The following CHD9 variants were observed in gnomAD, a reference collection of about 807,000 sequenced individuals.
The protein encoded by CHD9 is ATP-dependent chromatin remodeler CHD9.
In CHD9, 77 loss-of-function variants were observed where a neutral mutation model predicts 316.1. The ratio of observed to expected loss-of-function variants is 0.24; its 90% CI spans 0.20 to 0.29. CHD9 has a LOEUF of 0.29. Ranked by LOEUF, CHD9 falls within the 10% of genes least tolerant of loss-of-function variation. The pLI is 1.00. For synonymous variants in CHD9, 1,129 were observed against 1,158.3 expected, an observed-to-expected ratio of 0.97 and a Z score of 0.51; for missense variants, 2,763 against 3,438.1, an observed-to-expected ratio of 0.80 and a Z score of 4.91.
chr16:53,087,347 G>C (rs1319631207), intron 1 of CHD9, among the ~76,000 whole-genome samples: 1 of 152,102 alleles, frequency 6.6e-6, no homozygotes, highest in African/African-American at 2.4e-5. Context: ...CTGACTGCAG[G>C]GGAATCAGGG....
chr16:53,230,239 G>A (rs965793233), intron 8 of CHD9, among the ~76,000 whole-genome samples: 5 of 152,124 alleles, frequency 3.3e-5, no homozygotes, highest in Admixed American at 1.3e-4. Flanking sequence ...CCCCAGTACT[G>A]GTGGTTAATC....
intron 1 of CHD9, among the ~76,000 whole-genome samples, chr16:53,125,218 ATTT>A (rs34096444): frequency 9.4e-5 from 9 of 95,778 alleles, no homozygotes; most frequent in African/African-American, 3.8e-4. Flanking sequence ...TCAAGTTAGG[ATTT>A]TTTTTTTTTT....
At chr16:53,234,852 G>A (rs971634492) in intron 10 of CHD9, among the ~76,000 whole-genome samples, 3 of 150,362 alleles carry the variant, frequency 2.0e-5, no homozygotes, top group Non-Finnish European at 3.0e-5. Context: ...TGATCTTATT[G>A]CCCTTATATA....
intron 1 of CHD9, among the ~76,000 whole-genome samples, chr16:53,087,113 G>A (rs1298564203): frequency 6.6e-6 from 1 of 152,124 alleles, no homozygotes; most frequent in Non-Finnish European, 1.5e-5. Flanking sequence ...ATTTTATCAG[G>A]CCCCATTGTC....
chr16:53,057,449 T>TCGAG lies in CHD9; in HGVS notation c.-165+2373_-165+2376dup, dbSNP rs548792561. On this transcript the variant is annotated intron_variant, in intron 1 of 38. Coordinates refer to ENST00000447540, the MANE Select transcript of CHD9 (RefSeq NM_001308319.2). Reference sequence around the variant, plus strand: ...TGGGTGGATACCTGAGGTCAAGAGTTCGAGACCAGCCTGGCCAACATGGCA... The same window carrying TCGAG: ...TGGGTGGATACCTGAGGTCAAGAGTTCGAGCGAGACCAGCCTGGCCAACATGGCA... Among the ~76,000 whole-genome samples, 8 of 152,002 alleles carry TCGAG rather than the reference T, an allele frequency of 5.3e-5. No individual in the cohort carries two copies. The South Asian group carries it at 1.5e-3, about 28-fold the overall frequency.
chr16:53,101,652 C>T (rs1383168138), intron 1 of CHD9, among the ~76,000 whole-genome samples: 1 of 152,098 alleles, frequency 6.6e-6, no homozygotes, highest in African/African-American at 2.4e-5. Flanking sequence ...ACCAGGAAAC[C>T]TCAGGGCTCT....
chr16:53,200,513 A>G (rs752362790), intron 2 of CHD9, among the ~76,000 whole-genome samples: 1 of 152,086 alleles, frequency 6.6e-6, no homozygotes, highest in Non-Finnish European at 1.5e-5. Context: ...TTATGAGTCT[A>G]TATTGGTACA....
chr16:53,103,957 C>T (rs1246160345), intron 1 of CHD9, among the ~76,000 whole-genome samples: 1 of 152,132 alleles, frequency 6.6e-6, no homozygotes, highest in Non-Finnish European at 1.5e-5. Context: ...TGTTGATTTC[C>T]TACTCCATGG....
chr16:53,056,952 A>G (rs1395349368), intron 1 of CHD9, among the ~76,000 whole-genome samples: 1 of 151,946 alleles, frequency 6.6e-6, no homozygotes, highest in Non-Finnish European at 1.5e-5. Context: ...GTTTCAGATC[A>G]GCCTGTGCAA....
intron 2 of CHD9, chr16:53,208,233 T>G: frequency 8.3e-7 from 1 of 1,200,928 alleles, no homozygotes; most frequent in South Asian, 1.5e-5. Context: ...ATAGGCCATT[T>G]AGGAATCTTC....
intron 1 of CHD9, among the ~76,000 whole-genome samples, chr16:53,090,560 TG>T (rs969733232): frequency 6.6e-6 from 1 of 152,212 alleles, no homozygotes; most frequent in Non-Finnish European, 1.5e-5. Context: ...ATGACGGTCC[TG>T]GCATACAGTA....
chr16:53,180,683 A>T (rs534339187), intron 2 of CHD9, among the ~76,000 whole-genome samples: 32 of 150,686 alleles, frequency 2.1e-4, no homozygotes, highest in African/African-American at 4.6e-4. Flanking sequence ...TAAATTTATT[A>T]TTTTTTTTTG....
intron 24 of CHD9, among the ~76,000 whole-genome samples, chr16:53,276,309 C>T (rs2052814821): frequency 6.6e-6 from 1 of 152,196 alleles, no homozygotes. Flanking sequence ...TCAAGCAAGC[C>T]ATGCTGAATG....
chr16:53,242,228 C>T (rs531063372), intron 12 of CHD9, among the ~76,000 whole-genome samples: 8 of 152,258 alleles, frequency 5.3e-5, no homozygotes, highest in Admixed American at 1.3e-4. Context: ...ATCCCACATC[C>T]TTGTTTTATT....
chr16:53,236,738 T>C (rs912907871), intron 11 of CHD9, among the ~76,000 whole-genome samples: 11 of 151,846 alleles, frequency 7.2e-5, no homozygotes, highest in African/African-American at 2.7e-4. Context: ...CATTGGTTAG[T>C]AGTTGGTACT....
At chr16:53,079,426 T>C (rs901260614) in intron 1 of CHD9, among the ~76,000 whole-genome samples, 1 of 152,234 alleles carries the variant, frequency 6.6e-6, no homozygotes, top group African/African-American at 2.4e-5. Context: ...GAAACACTTC[T>C]AGAACTGAGT....
chr16:53,268,215 T>A, intron 22 of CHD9, 89 bp downstream of exon 22: 2 of 920,156 alleles, frequency 2.2e-6, no homozygotes, highest in Non-Finnish European at 1.6e-6. Context: ...ATAAAAGCAT[T>A]ACAAATAATA....
At chr16:53,288,088 G>A in intron 27 of CHD9, 74 bp downstream of exon 27, 1 of 1,136,522 alleles carries the variant, frequency 8.8e-7, no homozygotes, top group African/African-American at 1.5e-5. Context: ...TTTTTCTTTT[G>A]CATTATATTT....
intron 1 of CHD9, among the ~76,000 whole-genome samples, chr16:53,112,308 G>A (rs903443115): frequency 6.6e-6 from 1 of 152,276 alleles, no homozygotes; most frequent in Admixed American, 6.5e-5. Flanking sequence ...TCCATGCCCT[G>A]GGTTGTTTCA....
Sources: allele counts gnomAD v4.1 joint callset (sites outside exome capture counted in the v4.1 genomes callset), GRCh38; gene constraint gnomAD v4.1.1; transcripts MANE v1.5; gene names NCBI Gene and HGNC (gene_info 2026-07-23, HGNC 2026-07-21).